ADAMTS19: variants seen among roughly 807,000 people sequenced by gnomAD.
The protein encoded by ADAMTS19 is A disintegrin and metalloproteinase with thrombospondin motifs 19.
A neutral mutation model predicts 153.3 loss-of-function variants in ADAMTS19; 93 were observed. That is an observed-to-expected ratio of 0.61 (90% CI 0.51 to 0.72). ADAMTS19 has a LOEUF of 0.72. Among genes scored for constraint, ADAMTS19 ranks in the 30% least tolerant of loss-of-function variants. The pLI is 0.00. For synonymous variants in ADAMTS19, 600 were observed against 556.6 expected, an observed-to-expected ratio of 1.08 and a Z score of -1.10; for missense variants, 1,482 against 1,552.1, an observed-to-expected ratio of 0.95 and a Z score of 0.76.
intron 14 of ADAMTS19, among the ~76,000 whole-genome samples, chr5:129,656,199 T>C (rs27418): frequency 0.02 from 2,994 of 152,308 alleles, 44 homozygotes; most frequent in Non-Finnish European, 0.029. Flanking sequence ...ACAAATGCTA[T>C]GTGGACCTGA....
At chr5:129,530,164 A>G (rs1295288122) in intron 6 of ADAMTS19, among the ~76,000 whole-genome samples, 3 of 152,176 alleles carry the variant, frequency 2.0e-5, no homozygotes, top group African/African-American at 7.2e-5. Flanking sequence ...CACAATGTCC[A>G]GAGTATAATA....
chr5:129,619,268 CATT>C (rs1312737803), intron 8 of ADAMTS19, among the ~76,000 whole-genome samples: 2 of 152,038 alleles, frequency 1.3e-5, no homozygotes, highest in Non-Finnish European at 2.9e-5. Flanking sequence ...TCAGTTCAAA[CATT>C]ATTACTTTCC....
chr5:129,535,412 GA>G (rs1752378845), intron 6 of ADAMTS19, among the ~76,000 whole-genome samples: 1 of 152,104 alleles, frequency 6.6e-6, no homozygotes, highest in Non-Finnish European at 1.5e-5. Flanking sequence ...AAATAAAAGA[GA>G]ATACAAACAA....
intron 2 of ADAMTS19, among the ~76,000 whole-genome samples, chr5:129,486,745 A>AAAAT (rs3059618): frequency 7.4e-4 from 113 of 152,240 alleles, no homozygotes; most frequent in African/African-American, 2.0e-3. Context: ...AACAATAAGC[A>AAAAT]AAATAAATAA....
At chr5:129,578,041 T>TACAC (rs748371915) in intron 7 of ADAMTS19, among the ~76,000 whole-genome samples, 3,024 of 98,568 alleles carry the variant, frequency 0.031, 188 homozygotes, top group African/African-American at 0.093. Context: ...CAAACTTACA[T>TACAC]ACACACACAC....
At chr5:129,619,506 A>G (rs1191341163) in intron 8 of ADAMTS19, among the ~76,000 whole-genome samples, 1 of 152,042 alleles carries the variant, frequency 6.6e-6, no homozygotes, top group Non-Finnish European at 1.5e-5. Context: ...AAAACTAATA[A>G]TGATGTCGAA....
intron 6 of ADAMTS19, among the ~76,000 whole-genome samples, chr5:129,541,528 T>C (rs1752653144): frequency 6.6e-6 from 1 of 152,044 alleles, no homozygotes; most frequent in African/African-American, 2.4e-5. Context: ...ATCATCTGTT[T>C]TGGGTGTTTC....
chr5:129,669,872 T>C (rs1383333170), intron 16 of ADAMTS19, among the ~76,000 whole-genome samples: 1 of 152,108 alleles, frequency 6.6e-6, no homozygotes. Context: ...TACAAATTTG[T>C]GCATTTTCTG....
Position 129,702,938 on chromosome 5 carries a change from AAAAATATAT to A in ADAMTS19, c.3160-1299_3160-1291del, listed in dbSNP as rs1247916501. Among the ~76,000 whole-genome samples the A allele has an allele frequency of 5.0e-4, 13 of 25,758 alleles. No individual in the cohort carries two copies. In the East Asian group the frequency reaches 0.02, roughly 39 times the overall value. 16.9% of individuals were successfully genotyped at this position (25,758 alleles called of 152,430 possible). On this transcript the variant is annotated intron_variant, in intron 20 of 22. Transcript: ENST00000274487. ...GCATAGTTTGACTTGCCAAAAAAAA[AAAAATATAT>A]ATATATATATATATATATATATATA...
intron 10 of ADAMTS19, among the ~76,000 whole-genome samples, chr5:129,634,542 T>C (rs1281326212): frequency 4.6e-5 from 7 of 152,090 alleles, no homozygotes; most frequent in Non-Finnish European, 7.4e-5. Context: ...ACTCCAGGGC[T>C]ACAGTACTAA....
At chr5:129,616,116 T>G (rs1751511573) in intron 8 of ADAMTS19, among the ~76,000 whole-genome samples, 1 of 151,980 alleles carries the variant, frequency 6.6e-6, no homozygotes, top group Admixed American at 6.6e-5. Context: ...TCATTGTTTG[T>G]GCAAATTGAA....
chr5:129,644,641 T>G (rs30683), intron 11 of ADAMTS19, among the ~76,000 whole-genome samples: 62,694 of 151,856 alleles, frequency 0.41, 14,271 homozygotes, highest in African/African-American at 0.61. Flanking sequence ...TTCATATTTT[T>G]CAATTTACAA....
chr5:129,688,243 C>A (rs970269385), intron 18 of ADAMTS19: 1 of 152,074 alleles, frequency 6.6e-6, no homozygotes, highest in East Asian at 1.9e-4. Context: ...ATATTGGAAA[C>A]AGATTCATGC....
intron 6 of ADAMTS19, among the ~76,000 whole-genome samples, chr5:129,546,747 TAAAGAA>T (rs1007569695): frequency 6.6e-6 from 1 of 150,998 alleles, no homozygotes; most frequent in African/African-American, 2.5e-5. Context: ...AGAATGTACT[TAAAGAA>T]AAAGAATAGT....
intron 2 of ADAMTS19, among the ~76,000 whole-genome samples, chr5:129,504,835 T>C (rs756429939): frequency 2.7e-5 from 4 of 150,834 alleles, no homozygotes; most frequent in Non-Finnish European, 5.9e-5. Context: ...GGATTTTCCT[T>C]ATTAAGTCTG....
intron 4 of ADAMTS19, 187 bp downstream of exon 4, chr5:129,526,643 C>T: frequency 1.9e-6 from 1 of 526,340 alleles, no homozygotes. Context: ...AATAAAAATT[C>T]ACATCTTGTA....
At position 129,680,230 on chromosome 5, in the gene ADAMTS19, T is replaced by C. The variant is rs556409702; in HGVS notation, c.2664+309T>C. On this transcript the variant is annotated intron_variant, in intron 17 of 22. Coordinates refer to ENST00000274487, the MANE Select transcript of ADAMTS19 (RefSeq NM_133638.6). ...ATTTACTAACTGAAGAGGATGTCTA[T>C]GAAGAGAGTACTATAATATTGCATG... 2.0e-5 allele frequency among the ~76,000 whole-genome samples: 3 copies of C among 152,260 alleles called. No individual in the cohort carries two copies. In the East Asian group the frequency reaches 5.8e-4, roughly 29 times the overall value.
At chr5:129,611,403 C>T (rs182327325) in intron 8 of ADAMTS19, among the ~76,000 whole-genome samples, 9 of 152,076 alleles carry the variant, frequency 5.9e-5, no homozygotes, top group South Asian at 4.1e-4. Flanking sequence ...GTTTTCTTTT[C>T]GGGTTTTTAT....
rs117868743 is a variant in ADAMTS19 at position 129,523,488 on chromosome 5, G to A, written c.914-2796G>A. ...ATGACAAGGAGAGGGGCAAGTGGTA[G>A]CTGATTTAACAATATACCATGGAGA... On this transcript the variant is annotated intron_variant, in intron 3 of 22. Transcript: ENST00000274487. Among the ~76,000 whole-genome samples, 164 of 152,310 alleles carry A rather than the reference G, an allele frequency of 1.1e-3. 2 individuals carry two copies. The East Asian group carries it at 0.029, about 27-fold the overall frequency.
Sources: allele counts gnomAD v4.1 joint callset (sites outside exome capture counted in the v4.1 genomes callset), GRCh38; gene constraint gnomAD v4.1.1; transcripts MANE v1.5; gene names NCBI Gene and HGNC (gene_info 2026-07-23, HGNC 2026-07-21).